ACSL3: variants seen among roughly 807,000 people sequenced by gnomAD.
The protein encoded by ACSL3 is fatty acid CoA ligase Acsl3.
ACSL3 carries 34 observed loss-of-function variants against 84.7 expected under a neutral mutation model. The ratio of observed to expected loss-of-function variants is 0.40; its 90% CI spans 0.31 to 0.53. The LOEUF is 0.53. Among genes scored for constraint, ACSL3 ranks in the 20% least tolerant of loss-of-function variants. The probability of loss-of-function intolerance (pLI) is 0.48; values close to 1 mark genes in which losing one functional copy is unlikely to be tolerated. For missense variants in ACSL3, 680 were observed against 873.1 expected, an observed-to-expected ratio of 0.78 and a Z score of 2.79; for synonymous variants, 315 against 299.4, an observed-to-expected ratio of 1.05 and a Z score of -0.54.
intron 13 of ACSL3, among the ~76,000 whole-genome samples, chr2:222,929,322 T>C (rs969608873): frequency 1.3e-5 from 2 of 152,150 alleles, no homozygotes; most frequent in African/African-American, 2.4e-5. Context: ...TTCTGAGGGC[T>C]TCAACCTTGT....
At chr2:222,937,601 GTTTTA>G (rs2106144367) in intron 16 of ACSL3, among the ~76,000 whole-genome samples, 1 of 152,118 alleles carries the variant, frequency 6.6e-6, no homozygotes, top group Non-Finnish European at 1.5e-5. Context: ...CTTAAAGTCT[GTTTTA>G]TTTAAGTATG....
chr2:222,874,304 C>T (rs957425050), intron 1 of ACSL3, among the ~76,000 whole-genome samples: 6 of 152,172 alleles, frequency 3.9e-5, no homozygotes, highest in African/African-American at 9.7e-5. Flanking sequence ...GGATTACAGG[C>T]GTGGGCCACT....
At chr2:222,935,322 G>T (rs1251505500) in intron 16 of ACSL3, among the ~76,000 whole-genome samples, 2 of 151,972 alleles carry the variant, frequency 1.3e-5, no homozygotes, top group African/African-American at 4.8e-5. Context: ...CCAAGTAGCC[G>T]GGACTACCAG....
chr2:222,911,134 C>T (rs1437901263), intron 4 of ACSL3, among the ~76,000 whole-genome samples: 1 of 151,498 alleles, frequency 6.6e-6, no homozygotes, highest in Non-Finnish European at 1.5e-5. Flanking sequence ...ACCGCAACGT[C>T]CGCCTTCTGG....
chr2:222,941,242 C>T (rs1414270944), intron 16 of ACSL3, among the ~76,000 whole-genome samples: 1 of 152,058 alleles, frequency 6.6e-6, no homozygotes, highest in Non-Finnish European at 1.5e-5. Context: ...AACTCGTTTT[C>T]AATGACAGAA....
At chr2:222,903,061 A>G (rs1019002584) in intron 3 of ACSL3, among the ~76,000 whole-genome samples, 1 of 152,252 alleles carries the variant, frequency 6.6e-6, no homozygotes, top group African/African-American at 2.4e-5. Flanking sequence ...ATCACACCTT[A>G]GGAAATTACA....
chr2:222,894,739 T>C (rs773203071), intron 2 of ACSL3, among the ~76,000 whole-genome samples: 4 of 152,196 alleles, frequency 2.6e-5, no homozygotes, highest in Admixed American at 6.5e-5. Flanking sequence ...TGCCCGTGTA[T>C]ACATTCTTCT....
At chr2:222,930,879 AT>A (rs1697012647) in intron 14 of ACSL3, 67 bp downstream of exon 14, 1 of 1,382,812 alleles carries the variant, frequency 7.2e-7, no homozygotes, top group South Asian at 1.4e-5. Context: ...AGCACAATAT[AT>A]TTAGAGGAGG....
rs148821043 is a variant in ACSL3 at position 222,875,608 on chromosome 2, A to G, written c.-206-12222A>G. On this transcript the variant is annotated intron_variant, in intron 1 of 16. Coordinates refer to ENST00000357430, the MANE Select transcript of ACSL3 (RefSeq NM_004457.5). ...ATGGCAATTTTAGAAAGAAGTGCCT[A>G]TGGAAGATGACTTATTGGTGAGGCT... Among the ~76,000 whole-genome samples, 301 of 152,358 alleles carry G rather than the reference A, an allele frequency of 2.0e-3. 4 individuals are homozygous for G. Among genetic ancestry groups the G allele is most frequent in the African/African-American group, 7.0e-3 (292 of 41,586 alleles).
intron 2 of ACSL3, among the ~76,000 whole-genome samples, chr2:222,893,313 T>C (rs1284796508): frequency 1.3e-5 from 2 of 152,118 alleles, no homozygotes; most frequent in Non-Finnish European, 2.9e-5. Context: ...TTCATGATGG[T>C]GGTGGATGTG....
chr2:222,922,860 C>G, intron 9 of ACSL3, 29 bp downstream of exon 9: 9 of 1,612,080 alleles, frequency 5.6e-6, no homozygotes, highest in Non-Finnish European at 7.6e-6. Context: ...ACTTGAAATA[C>G]TAAAAAATCA....
At position 222,941,784 on chromosome 2, in the gene ACSL3, A is replaced by G. The variant is rs529792911; in HGVS notation, c.*130A>G. 1.8e-4 allele frequency: 179 copies of G among 986,540 alleles called. No homozygotes were observed. In the African/African-American group the frequency reaches 2.8e-3, roughly 15 times the overall value. The allele number at this position is 986,540 out of a possible 1,614,324, so 61.1% of individuals were successfully genotyped here. A position where few individuals can be genotyped will look rare whatever the true frequency, so the allele number is the denominator to read the frequency against. On this transcript the variant is annotated 3_prime_UTR_variant, in exon 17 of 17. Coordinates refer to ENST00000357430, the MANE Select transcript of ACSL3 (RefSeq NM_004457.5). Reference sequence around the variant, plus strand: ...AACTATTACTTCTCATGACGTCACCATTTTTAACTGACAGGATTAGTAAAA... The same window carrying G: ...AACTATTACTTCTCATGACGTCACCGTTTTTAACTGACAGGATTAGTAAAA...
intron 3 of ACSL3, among the ~76,000 whole-genome samples, chr2:222,908,066 T>C (rs1309965715): frequency 6.6e-6 from 1 of 152,206 alleles, no homozygotes; most frequent in Admixed American, 6.5e-5. Context: ...GAGTGGGAAC[T>C]TAGGCCGTTT....
chr2:222,907,251 G>C (rs957117774), intron 3 of ACSL3, among the ~76,000 whole-genome samples: 1 of 152,192 alleles, frequency 6.6e-6, no homozygotes, highest in African/African-American at 2.4e-5. Flanking sequence ...ATCTGGGGTA[G>C]AGCTTCTGCC....
At chr2:222,921,649 A>C (rs913731433) in intron 8 of ACSL3, among the ~76,000 whole-genome samples, 1 of 152,340 alleles carries the variant, frequency 6.6e-6, no homozygotes, top group African/African-American at 2.4e-5. Flanking sequence ...TAAAAAGTAC[A>C]GAACTTAAAT....
intron 16 of ACSL3, among the ~76,000 whole-genome samples, 200 bp downstream of exon 16, chr2:222,934,887 A>C (rs1002428206): frequency 6.6e-6 from 1 of 152,174 alleles, no homozygotes; most frequent in Non-Finnish European, 1.5e-5. Context: ...ACTGATGTAC[A>C]TGTATCTTGA....
At chr2:222,904,388 A>C (rs574457651) in intron 3 of ACSL3, among the ~76,000 whole-genome samples, 1 of 152,304 alleles carries the variant, frequency 6.6e-6, no homozygotes, top group African/African-American at 2.4e-5. Context: ...GGCAATGAGA[A>C]TAGTAATGTA....
chr2:222,909,937 A>G (rs1574546970), intron 4 of ACSL3, among the ~76,000 whole-genome samples: 1 of 152,172 alleles, frequency 6.6e-6, no homozygotes, highest in Non-Finnish European at 1.5e-5. Flanking sequence ...AACCTACCCC[A>G]GGGACACTAC....
chr2:222,901,671 G>C (rs1314356091), intron 3 of ACSL3, among the ~76,000 whole-genome samples: 2 of 152,104 alleles, frequency 1.3e-5, no homozygotes, highest in Non-Finnish European at 2.9e-5. Flanking sequence ...AAAAGGCTGG[G>C]CATGGTGGCC....
Sources: allele counts gnomAD v4.1 joint callset (sites outside exome capture counted in the v4.1 genomes callset), GRCh38; gene constraint gnomAD v4.1.1; transcripts MANE v1.5; gene names NCBI Gene and HGNC (gene_info 2026-07-23, HGNC 2026-07-21).